NOM1: variants seen among roughly 807,000 people sequenced by gnomAD.
NOM1 encodes nucleolar protein with MIF4G domain 1, also known as nucleolar MIF4G domain-containing protein 1.
In NOM1, 58 loss-of-function variants were observed where a neutral mutation model predicts 73.3. The observed-to-expected ratio is 0.79, with a 90% CI of 0.64 to 0.99. The LOEUF (loss-of-function observed/expected upper bound fraction) is 0.99. Ranked by LOEUF, NOM1 falls within the 50% of genes least tolerant of loss-of-function variation. NOM1 has a pLI of 0.00. For missense variants in NOM1, 1,226 were observed against 1,131.9 expected, an observed-to-expected ratio of 1.08 and a Z score of -1.19; for synonymous variants, 487 against 446.8, an observed-to-expected ratio of 1.09 and a Z score of -1.14.
chr7:156,957,341 C>T (rs928444597), intron 3 of NOM1, among the ~76,000 whole-genome samples: 1 of 152,168 alleles, frequency 6.6e-6, no homozygotes, highest in Non-Finnish European at 1.5e-5. Context: ...TCAGAGTTAA[C>T]GTACAGGATG....
At chr7:156,962,656 T>C (rs12672076) in intron 5 of NOM1, among the ~76,000 whole-genome samples, 122,952 of 152,158 alleles carry the variant, frequency 0.81, 49,779 homozygotes, top group Admixed American at 0.87. Context: ...GCCTCCCTGT[T>C]GGAGTGAGTC....
At position 156,949,807 on chromosome 7, in the gene NOM1, C is replaced by G. The variant is rs6969990; in HGVS notation, c.70C>G (p.Arg24Gly). The G allele has an allele frequency of 0.16, 232,912 of 1,444,268 alleles. 20,343 individuals carry two copies. The highest frequency in any genetic ancestry group is 0.36 in the East Asian group (14,000 of 38,726). 89.5% of individuals were successfully genotyped at this position (1,444,268 alleles called of 1,614,324 possible). Residue 24 changes from arginine (R) to glycine (G), a missense_variant, in exon 1 of 11, where the codon CGC (arginine) becomes GGC (glycine). Physicochemically the swap from Arg to Gly is moderately radical, Grantham distance 125. Transcript: ENST00000275820. Reference sequence around the variant, plus strand: ...CCAGGGACGCGTGGTCCGCATGAAGCGCAGAGGCGGGCGCGGGCCGCGCCG... The same window carrying G: ...CCAGGGACGCGTGGTCCGCATGAAGGGCAGAGGCGGGCGCGGGCCGCGCCG... ...GSQGRVVRMK[R>G]RGGRGPRRGP...
intron 1 of NOM1, among the ~76,000 whole-genome samples, chr7:156,951,103 C>T (rs1001407053): frequency 1.1e-4 from 16 of 152,184 alleles, no homozygotes; most frequent in African/African-American, 3.6e-4. Context: ...TTCTAAAACT[C>T]GAAGCTAATT....
rs1024203081 is a variant in NOM1 at position 156,950,791 on chromosome 7, G to C, written c.987+67G>C. ...AAAATAACGGGACAGGGAATGGGGC[G>C]TGAGGCAGAAATGACACAGACTTGG... is the stretch of plus-strand genomic sequence containing the variant. On this transcript the variant is annotated intron_variant, in intron 1 of 10. Transcript: ENST00000275820. 2.2e-6 allele frequency: 3 copies of C among 1,395,118 alleles called. No individual in the cohort carries two copies. In the East Asian group the frequency reaches 7.5e-5, roughly 35 times the overall value. 86.4% of individuals were successfully genotyped at this position (1,395,118 alleles called of 1,614,324 possible). A position where few individuals can be genotyped will look rare whatever the true frequency, so the allele number is the denominator to read the frequency against.
rs1354988254 is a variant in NOM1 at position 156,954,520 on chromosome 7, TTC to T, written c.1308+224_1308+225del. 2.4e-5 allele frequency among the ~76,000 whole-genome samples: 3 copies of T among 126,836 alleles called. No homozygotes were observed. The Admixed American group carries it at 2.9e-4, about 12-fold the overall frequency. The allele number at this position is 126,836 out of a possible 152,430, so 83.2% of individuals were successfully genotyped here. On this transcript the variant is annotated intron_variant, in intron 3 of 10. Coordinates refer to ENST00000275820, the MANE Select transcript of NOM1 (RefSeq NM_138400.2). ...TAACTTTGCTTTTTTGTTCTGTCCATTCTTTTTTTTTTTTTTTTTTTTGAGAC... is the reference window on the plus strand; with the variant it reads ...TAACTTTGCTTTTTTGTTCTGTCCATTTTTTTTTTTTTTTTTTTTTGAGAC...
intron 3 of NOM1, among the ~76,000 whole-genome samples, chr7:156,955,675 G>A (rs1300784210): frequency 6.6e-6 from 1 of 152,170 alleles, no homozygotes. Flanking sequence ...AGCTTGCTTT[G>A]CAGTGCAGCA....
Position 156,952,610 on chromosome 7 carries a change from G to C in NOM1, c.1112+12G>C. On this transcript the variant is annotated intron_variant, in intron 2 of 10. Transcript: ENST00000275820. The stretch of plus-strand genomic sequence containing the variant: ...GGTCTACTTAACAGGTGACCTTGTA[G>C]TGTTGTTACACTGTGTCACTTAGAG... The C allele has an allele frequency of 6.2e-7, 1 of 1,610,708 alleles. No individual in the cohort carries two copies. Among genetic ancestry groups the C allele is most frequent in the Non-Finnish European group, 8.5e-7 (1 of 1,179,124 alleles).
chr7:156,954,478 G>A (rs185094247), intron 3 of NOM1, among the ~76,000 whole-genome samples, 180 bp downstream of exon 3: 1 of 106,962 alleles, frequency 9.3e-6, no homozygotes, highest in Non-Finnish European at 2.1e-5. Flanking sequence ...GGAAGTACTT[G>A]ATTACTTGAT....
intron 1 of NOM1, among the ~76,000 whole-genome samples, chr7:156,951,329 C>G (rs11773833): frequency 0.19 from 29,197 of 151,980 alleles, 3,000 homozygotes; most frequent in East Asian, 0.29. Flanking sequence ...AGAGGTTGCA[C>G]TGAGCCGAGA....
At chr7:156,968,870 G>A (rs1470045403) in intron 9 of NOM1, 1 of 492,068 alleles carries the variant, frequency 2.0e-6, no homozygotes, top group African/African-American at 2.0e-5. Flanking sequence ...CGGTGGCTGT[G>A]GCCGGCCACA....
chr7:156,958,264 A>G lies in NOM1; in HGVS notation c.1309-1587A>G, dbSNP rs367558173. Among the ~76,000 whole-genome samples, 17 of 152,306 alleles carry G rather than the reference A, an allele frequency of 1.1e-4. No individual in the cohort carries two copies. In the East Asian group the frequency reaches 1.9e-3, roughly 17 times the overall value. The stretch of plus-strand genomic sequence containing the variant: ...CCCTGAGCTGGTCTTGTCCAGCCCC[A>G]CTAGCTTGCTGCCCCTCACGTAGTT... On this transcript the variant is annotated intron_variant, in intron 3 of 10. Coordinates refer to ENST00000275820, the MANE Select transcript of NOM1 (RefSeq NM_138400.2).
At position 156,963,436 on chromosome 7, in the gene NOM1, G is replaced by T. The variant is rs73506032; in HGVS notation, c.1911+261G>T. 3.4e-5 allele frequency: 18 copies of T among 524,208 alleles called. No homozygotes were observed. The South Asian group carries it at 3.5e-4, about 10-fold the overall frequency. 32.5% of individuals were successfully genotyped at this position (524,208 alleles called of 1,614,324 possible). A position where few individuals can be genotyped will look rare whatever the true frequency, so the allele number is the denominator to read the frequency against. On this transcript the variant is annotated intron_variant, in intron 6 of 10. Transcript: ENST00000275820. Reference sequence around the variant, plus strand: ...CAGGGGAGCGCATGAGGACCTGAACGCTCACGGGGCAGGAGTCCGTTGCTG... The same window carrying T: ...CAGGGGAGCGCATGAGGACCTGAACTCTCACGGGGCAGGAGTCCGTTGCTG...
At chr7:156,959,821 CAT>C (rs751884415) in intron 3 of NOM1, 28 bp from the exon 4 acceptor site, 13 of 1,600,946 alleles carry the variant, frequency 8.1e-6, no homozygotes, top group Admixed American at 1.7e-5. Context: ...CTAGGAATAA[CAT>C]AATCTTTTTT....
intron 3 of NOM1, 75 bp downstream of exon 3, chr7:156,954,373 C>CGTAATTGTGTGCT: frequency 7.8e-7 from 1 of 1,278,728 alleles, no homozygotes; most frequent in South Asian, 1.6e-5. Context: ...TTGATAAGTG[C>CGTAATTGTGTGCT]GTAATTGTGT....
chr7:156,965,856 G>T (rs1415535531), intron 7 of NOM1, among the ~76,000 whole-genome samples: 1 of 152,238 alleles, frequency 6.6e-6, no homozygotes, highest in African/African-American at 2.4e-5. Context: ...GGAGGTTGTA[G>T]TGAGCTGAAG....
At chr7:156,959,431 G>A (rs917760389) in intron 3 of NOM1, among the ~76,000 whole-genome samples, 23 of 151,790 alleles carry the variant, frequency 1.5e-4, no homozygotes, top group African/African-American at 4.8e-4. Flanking sequence ...TAGTAGAAAC[G>A]GGGTTTCACC....
rs1563686015 is a variant in NOM1, at chr7:156,966,319, GAT to G, written c.2084_2085del (p.Asp695ValfsTer17). ...QEREIIHVLM[D>X]CCLQEKTYNP... Reference sequence around the variant, plus strand: ...GAGAGAAATCATTCACGTTCTCATGGATTGCTGCCTTCAAGAGAAAACTTACA... The same window carrying G: ...GAGAGAAATCATTCACGTTCTCATGGTGCTGCCTTCAAGAGAAAACTTACA... On this transcript the variant is annotated frameshift_variant, in exon 8 of 11. Coordinates refer to ENST00000275820, the MANE Select transcript of NOM1 (RefSeq NM_138400.2). LOFTEE classifies it high-confidence loss of function. 6.2e-7 allele frequency: 1 copy of G among 1,614,194 alleles called. No individual in the cohort carries two copies. Among genetic ancestry groups the G allele is most frequent in the Non-Finnish European group, 8.5e-7 (1 of 1,180,030 alleles).
Position 156,950,180 on chromosome 7 carries a change from G to A in NOM1, c.443G>A (p.Arg148Gln), listed in dbSNP as rs1472603968. 3 of 1,605,274 alleles carry A rather than the reference G, an allele frequency of 1.9e-6. No homozygotes were observed. Among genetic ancestry groups the A allele is most frequent in the African/African-American group, 1.3e-5 (1 of 74,804 alleles). ...CCTCCCAGGAAGCCGCGGCCGTCCC[G>A]GGTCAAGGCCAAGGCCACGGCCGCC... ...PSPPRKPRPS[R>Q]VKAKATAATA... Residue 148 changes from arginine (R) to glutamine (Q), a missense_variant, in exon 1 of 11, where the codon CGG becomes CAG. Arg to Gln is a conservative substitution (Grantham distance 43). Coordinates refer to ENST00000275820, the MANE Select transcript of NOM1 (RefSeq NM_138400.2).
At chr7:156,965,215 C>A (rs1174655091) in intron 7 of NOM1, among the ~76,000 whole-genome samples, 2 of 152,220 alleles carry the variant, frequency 1.3e-5, no homozygotes, top group Admixed American at 6.5e-5. Flanking sequence ...GCAGAGGTGG[C>A]AGCCTCAGCC....
Sources: gnomAD v4.1 joint callset for allele counts (sites outside exome capture counted in the v4.1 genomes callset) on GRCh38, gnomAD v4.1.1 for gene constraint, MANE v1.5 for transcripts, NCBI Gene and HGNC (gene_info 2026-07-23, HGNC 2026-07-21) for gene names.